Variants in ODAD2 observed in about 807,000 individuals in gnomAD.
ODAD2 encodes outer dynein arm docking complex subunit 2, also known as outer dynein arm-docking complex subunit 2.
A neutral mutation model predicts 106.8 loss-of-function variants in ODAD2; 89 were observed. The ratio of observed to expected loss-of-function variants is 0.83; its 90% CI spans 0.70 to 0.99. ODAD2 has a LOEUF of 0.99. ODAD2 is among the 50% of genes least tolerant of loss of function. The probability of loss-of-function intolerance (pLI) is 0.00; values close to 1 mark genes in which losing one functional copy is unlikely to be tolerated. For synonymous variants in ODAD2, 404 were observed against 436.2 expected, an observed-to-expected ratio of 0.93 and a Z score of 0.92; for missense variants, 1,168 against 1,238.5, an observed-to-expected ratio of 0.94 and a Z score of 0.85.
intron 10 of ODAD2, among the ~76,000 whole-genome samples, chr10:27,948,018 A>G (rs182612041): frequency 1.8e-3 from 274 of 152,236 alleles, no homozygotes; most frequent in Non-Finnish European, 2.8e-3. Context: ...GCTTTATTTC[A>G]TTAATTTTAC....
chr10:27,877,474 C>T (rs16928385), intron 17 of ODAD2, among the ~76,000 whole-genome samples: 3,377 of 151,434 alleles, frequency 0.022, 146 homozygotes, highest in African/African-American at 0.077. Context: ...AGGCTCAAAA[C>T]CCTGCAGGTC....
chr10:27,843,788 C>G (rs1186808896), intron 19 of ODAD2, among the ~76,000 whole-genome samples: 2 of 151,758 alleles, frequency 1.3e-5, no homozygotes, highest in East Asian at 3.9e-4. Context: ...AAACAAAAAA[C>G]TTAGCACTGA....
At chr10:27,913,066 A>G (rs1473368429) in intron 16 of ODAD2, among the ~76,000 whole-genome samples, 1 of 152,206 alleles carries the variant, frequency 6.6e-6, no homozygotes, top group East Asian at 1.9e-4. Flanking sequence ...TATAAACAAT[A>G]TGATTAGAAA....
chr10:27,867,289 G>A (rs757463063), intron 17 of ODAD2, among the ~76,000 whole-genome samples: 21 of 152,120 alleles, frequency 1.4e-4, no homozygotes, highest in South Asian at 2.1e-4. Context: ...AAGCAGCTGC[G>A]AATGGACTTT....
intron 17 of ODAD2, among the ~76,000 whole-genome samples, chr10:27,876,287 G>C (rs940884382): frequency 6.6e-6 from 1 of 152,088 alleles, no homozygotes; most frequent in African/African-American, 2.4e-5. Context: ...TAACTGGGAG[G>C]CACCCCCCAG....
chr10:27,944,318 CTT>C lies in ODAD2; in HGVS notation c.1645_1646del (p.Lys549GlufsTer17). 1 of 1,614,038 alleles carries C rather than the reference CTT, an allele frequency of 6.2e-7. No homozygotes were observed. ...TCTCGGCTGCCAAACATTTTAGACT[CTT>C]GTGTGGAGAATCAAGTATATTCACC... ...IMVNILDSPH[K>X]SLKCLAAETI... On this transcript the variant is annotated frameshift_variant, in exon 12 of 20. Coordinates refer to ENST00000305242, the MANE Select transcript of ODAD2 (RefSeq NM_018076.5). LOFTEE classifies it high-confidence loss of function.
chr10:27,858,744 G>A (rs367829233), intron 19 of ODAD2, among the ~76,000 whole-genome samples: 12 of 151,586 alleles, frequency 7.9e-5, no homozygotes, highest in African/African-American at 2.7e-4. Flanking sequence ...AAATAATTGC[G>A]AGTTGCATAT....
At chr10:27,860,204 C>T (rs1173493448) in intron 19 of ODAD2, among the ~76,000 whole-genome samples, 1 of 152,174 alleles carries the variant, frequency 6.6e-6, no homozygotes, top group Non-Finnish European at 1.5e-5. Flanking sequence ...GTAATCCCAA[C>T]ACTTTGGGAG....
At chr10:27,874,419 C>G (rs971668686) in intron 17 of ODAD2, among the ~76,000 whole-genome samples, 12 of 152,088 alleles carry the variant, frequency 7.9e-5, no homozygotes, top group African/African-American at 2.9e-4. Flanking sequence ...GGTTCTTTTG[C>G]TTGTTAGTTG....
chr10:27,819,301 C>A (rs7077784), intron 19 of ODAD2, among the ~76,000 whole-genome samples: 1 of 151,858 alleles, frequency 6.6e-6, no homozygotes, highest in Non-Finnish European at 1.5e-5. Context: ...GAGAACTTCA[C>A]CCTGTTTTGA....
chr10:27,835,613 A>G (rs1376535826), intron 19 of ODAD2, among the ~76,000 whole-genome samples: 1 of 152,068 alleles, frequency 6.6e-6, no homozygotes, highest in Admixed American at 6.6e-5. Flanking sequence ...TAACAATAAC[A>G]TAAACAGTCG....
chr10:27,877,479 C>T (rs1206471052), intron 17 of ODAD2, among the ~76,000 whole-genome samples: 1 of 151,160 alleles, frequency 6.6e-6, no homozygotes, highest in East Asian at 2.0e-4. Flanking sequence ...CAAAACCCTG[C>T]AGGTCCCTCT....
intron 12 of ODAD2, among the ~76,000 whole-genome samples, chr10:27,942,361 G>A (rs1464649875): frequency 2.6e-5 from 4 of 152,158 alleles, no homozygotes; most frequent in Non-Finnish European, 4.4e-5. Context: ...GAAGTGTTGG[G>A]GTCTTCATTT....
intron 19 of ODAD2, among the ~76,000 whole-genome samples, chr10:27,826,745 G>C (rs1023636551): frequency 6.6e-5 from 10 of 151,778 alleles, no homozygotes; most frequent in Non-Finnish European, 1.5e-4. Flanking sequence ...CCCTCTTTCC[G>C]GTATTTTCAC....
At chr10:27,992,386 G>A (rs528371527) in intron 2 of ODAD2, among the ~76,000 whole-genome samples, 2 of 152,258 alleles carry the variant, frequency 1.3e-5, no homozygotes, top group South Asian at 4.2e-4. Context: ...AGGGAACACT[G>A]TGCATAAAGA....
chr10:27,823,404 T>C (rs1589753519), intron 19 of ODAD2, among the ~76,000 whole-genome samples: 1 of 152,198 alleles, frequency 6.6e-6, no homozygotes, highest in Non-Finnish European at 1.5e-5. Flanking sequence ...AAAGTGGCTA[T>C]GAGTTTATGC....
At chr10:27,886,781 T>A (rs1842249510) in intron 17 of ODAD2, among the ~76,000 whole-genome samples, 1 of 151,938 alleles carries the variant, frequency 6.6e-6, no homozygotes, top group African/African-American at 2.4e-5. Context: ...TTGTATACAA[T>A]TGAAATGAAG....
At chr10:27,953,021 AT>A (rs1847471012) in intron 10 of ODAD2, among the ~76,000 whole-genome samples, 1 of 152,232 alleles carries the variant, frequency 6.6e-6, no homozygotes, top group Non-Finnish European at 1.5e-5. Flanking sequence ...ATATAAAAAA[AT>A]GCACATCTTT....
chr10:27,977,556 G>A (rs1359318704), intron 7 of ODAD2, among the ~76,000 whole-genome samples: 1 of 151,998 alleles, frequency 6.6e-6, no homozygotes, highest in Non-Finnish European at 1.5e-5. Context: ...GAGTGACAGA[G>A]GGAGACTCTG....
Sources: gnomAD v4.1 joint callset for allele counts (sites outside exome capture counted in the v4.1 genomes callset) on GRCh38, gnomAD v4.1.1 for gene constraint, MANE v1.5 for transcripts, NCBI Gene and HGNC (gene_info 2026-07-23, HGNC 2026-07-21) for gene names.